The following SNW1 variants were observed in gnomAD, a reference collection of about 807,000 sequenced individuals.
SNW1 encodes the protein SNW domain containing 1.
SNW1 carries 9 observed loss-of-function variants against 75.6 expected under a neutral mutation model. The ratio of observed to expected loss-of-function variants is 0.12; its 90% CI spans 0.07 to 0.21. SNW1 has a LOEUF of 0.21. Ranked by LOEUF, SNW1 falls within the 10% of genes least tolerant of loss-of-function variation. The probability of loss-of-function intolerance (pLI) is 1.00; values close to 1 mark genes in which losing one functional copy is unlikely to be tolerated. For missense variants in SNW1, 409 were observed against 670.9 expected, an observed-to-expected ratio of 0.61 and a Z score of 4.31; for synonymous variants, 200 against 219.1, an observed-to-expected ratio of 0.91 and a Z score of 0.77.
chr14:77,730,847 T>C (rs2080622079), intron 10 of SNW1, 141 bp downstream of exon 10: 1 of 831,694 alleles, frequency 1.2e-6, no homozygotes, highest in South Asian at 1.9e-5. Flanking sequence ...CAGAGATTAC[T>C]CTCCATTTCT....
At chr14:77,732,333 C>A in intron 9 of SNW1, 152 bp downstream of exon 9, 1 of 629,592 alleles carries the variant, frequency 1.6e-6, no homozygotes, top group Non-Finnish European at 2.8e-6. Flanking sequence ...ATGCAGAGAG[C>A]TGCCAACTAG....
chr14:77,731,243 G>T, intron 9 of SNW1, 114 bp from the exon 10 acceptor site: 1 of 1,133,798 alleles, frequency 8.8e-7, no homozygotes, highest in Non-Finnish European at 1.2e-6. Flanking sequence ...ATTCAGATTT[G>T]TTATTGCTAA....
At chr14:77,743,203 CAACA>C (rs1021776785) in intron 3 of SNW1, among the ~76,000 whole-genome samples, 3 of 142,952 alleles carry the variant, frequency 2.1e-5, no homozygotes, top group African/African-American at 7.9e-5. Context: ...CCAGCCTGGG[CAACA>C]AGAGCAAAAC....
At chr14:77,741,924 A>G (rs1234884183) in intron 3 of SNW1, among the ~76,000 whole-genome samples, 1 of 152,170 alleles carries the variant, frequency 6.6e-6, no homozygotes, top group Non-Finnish European at 1.5e-5. Context: ...GGCATTCCAA[A>G]GTTAATAACC....
Position 77,741,365 on chromosome 14 carries a change from G to A in SNW1, c.331-2304C>T, listed in dbSNP as rs186690113. ...CTATCTCTATTTTAAAGAATGGATG[G>A]ATGAATGAATAAATAAATAAGTTTA... On this transcript the variant is annotated intron_variant, in intron 3 of 13. Transcript: ENST00000261531. Among the ~76,000 whole-genome samples the A allele has an allele frequency of 3.2e-3, 483 of 152,140 alleles. 4 individuals carry two copies. Among genetic ancestry groups the A allele is most frequent in the African/African-American group, 0.011 (457 of 41,510 alleles).
chr14:77,732,402 A>G, intron 9 of SNW1, 83 bp downstream of exon 9: 2 of 805,400 alleles, frequency 2.5e-6, no homozygotes, highest in Admixed American at 1.9e-5. Flanking sequence ...GCTCGGTACT[A>G]TAGTTAAATT....
Position 77,718,465 on chromosome 14 carries a change from T to G in SNW1, c.1314A>C (p.Arg438Ser). The G allele has an allele frequency of 6.2e-7, 1 of 1,614,010 alleles. No homozygotes were observed. Among genetic ancestry groups the G allele is most frequent in the Non-Finnish European group, 8.5e-7 (1 of 1,179,970 alleles). ...TACTCTGGGCCATATCTTTACCACC[T>G]CTCCAGGCTTGATCATAAACATTAT... ...EIYNVYDQAW[R>S]GGKDMAQSIY... Residue 438 changes from arginine to serine, a missense_variant, in exon 13 of 14, where the codon AGA becomes AGC. By Grantham distance (110) the Arg-to-Ser change is moderately radical. This residue lies in a region of SNW1 where 126 missense variants were observed against 167.6 expected (regional missense o/e 0.75). Transcript: ENST00000261531.
intron 8 of SNW1, among the ~76,000 whole-genome samples, chr14:77,734,598 C>A (rs373368810): frequency 6.6e-6 from 1 of 152,146 alleles, no homozygotes; most frequent in Non-Finnish European, 1.5e-5. Context: ...ATTAGCCGGA[C>A]GTGGTGGCAT....
chr14:77,718,828 C>T lies in SNW1; in HGVS notation c.1249-298G>A, dbSNP rs929513308. ...CCAGTTCCAGTGATCCTCCTGCCTC[C>T]GCCTCCCAGGTAGCTGGGATTACAG... On this transcript the variant is annotated intron_variant, in intron 12 of 13. Transcript: ENST00000261531. Among the ~76,000 whole-genome samples, 8 of 152,008 alleles carry T rather than the reference C, an allele frequency of 5.3e-5. No homozygotes were observed. In the East Asian group the frequency reaches 5.8e-4, roughly 11 times the overall value.
At chr14:77,748,218 T>C (rs572961055) in intron 3 of SNW1, among the ~76,000 whole-genome samples, 2 of 152,178 alleles carry the variant, frequency 1.3e-5, no homozygotes, top group South Asian at 2.1e-4. Context: ...GCAGCATGCT[T>C]GTTAAGAGTC....
chr14:77,751,835 CA>C (rs1403515175), intron 2 of SNW1, among the ~76,000 whole-genome samples: 90 of 115,334 alleles, frequency 7.8e-4, no homozygotes, highest in African/African-American at 2.2e-3. Context: ...CACACACACA[CA>C]CACACACACC....
chr14:77,737,436 C>T (rs1001556050), intron 5 of SNW1, among the ~76,000 whole-genome samples: 2 of 151,938 alleles, frequency 1.3e-5, no homozygotes, highest in Admixed American at 6.6e-5. Flanking sequence ...AGGCAACTTA[C>T]GGTTAGCAGT....
chr14:77,722,209 C>T (rs1269795824), intron 11 of SNW1, among the ~76,000 whole-genome samples: 2 of 152,178 alleles, frequency 1.3e-5, no homozygotes, highest in Admixed American at 1.3e-4. Flanking sequence ...CTTTTCAGAA[C>T]TTTTAGTCCT....
chr14:77,761,040 G>A (rs1007624497), intron 1 of SNW1, 74 bp downstream of exon 1: 1 of 1,614,100 alleles, frequency 6.2e-7, no homozygotes, highest in African/African-American at 1.3e-5. Flanking sequence ...CCGCCCGGAG[G>A]GTATGGGAAG....
At chr14:77,744,504 A>G (rs1449548810) in intron 3 of SNW1, among the ~76,000 whole-genome samples, 1 of 151,820 alleles carries the variant, frequency 6.6e-6, no homozygotes, top group East Asian at 1.9e-4. Context: ...AAGAGAAAAA[A>G]CAAGGAACAA....
intron 1 of SNW1, among the ~76,000 whole-genome samples, chr14:77,756,462 C>G (rs1566837843): frequency 6.6e-6 from 1 of 152,156 alleles, no homozygotes; most frequent in African/African-American, 2.4e-5. Flanking sequence ...CCATTATGCT[C>G]CTTACTTTAA....
At chr14:77,738,687 G>A in intron 5 of SNW1, 91 bp downstream of exon 5, 1 of 838,522 alleles carries the variant, frequency 1.2e-6, no homozygotes, top group Non-Finnish European at 2.0e-6. Flanking sequence ...CATTTATAAT[G>A]GTTGCTAAGT....
intron 10 of SNW1, among the ~76,000 whole-genome samples, chr14:77,726,271 G>C (rs1013778318): frequency 6.6e-6 from 1 of 151,920 alleles, no homozygotes; most frequent in Non-Finnish European, 1.5e-5. Context: ...CATGAGCATG[G>C]GCTATCTTTC....
At chr14:77,721,939 G>C (rs1374313498) in intron 11 of SNW1, among the ~76,000 whole-genome samples, 1 of 151,960 alleles carries the variant, frequency 6.6e-6, no homozygotes, top group African/African-American at 2.4e-5. Flanking sequence ...GTAGAGATGG[G>C]GTTTCACCAT....
Sources: gnomAD v4.1 joint callset for allele counts (sites outside exome capture counted in the v4.1 genomes callset) on GRCh38, gnomAD v4.1.1 for gene constraint, gnomAD v4.1.1 regional missense constraint, MANE v1.5 for transcripts, NCBI Gene and HGNC (gene_info 2026-07-23, HGNC 2026-07-21) for gene names.